The following ZPBP variants were observed in gnomAD, a reference collection of about 807,000 sequenced individuals.
The protein encoded by ZPBP is zona pellucida-binding protein 1.
A neutral mutation model predicts 44.8 loss-of-function variants in ZPBP; 26 were observed. That is an observed-to-expected ratio of 0.58 (90% CI 0.43 to 0.81). ZPBP has a LOEUF of 0.81. Ranked by LOEUF, ZPBP falls within the 30% of genes least tolerant of loss-of-function variation. The pLI, the probability that ZPBP is intolerant of heterozygous loss-of-function variation, is 0.00. For synonymous variants in ZPBP, 174 were observed against 153.2 expected (o/e 1.14, Z -1.00); for missense variants, 409 against 434.0 (o/e 0.94, Z 0.51).
intron 1 of ZPBP, chr7:49,913,536 A>G (rs1278351859): frequency 6.6e-6 from 1 of 152,184 alleles, no homozygotes; most frequent in Admixed American, 6.6e-5. Flanking sequence ...TGAAGCCTCT[A>G]AAGGTATTTT....
chr7:49,965,408 T>C (rs1426961736), intron 7 of ZPBP, among the ~76,000 whole-genome samples: 2 of 151,986 alleles, frequency 1.3e-5, no homozygotes, highest in Non-Finnish European at 2.9e-5. Context: ...TAATTCTATA[T>C]CCACCAAACA....
At chr7:50,028,190 G>A (rs908505395) in intron 5 of ZPBP, among the ~76,000 whole-genome samples, 2 of 151,810 alleles carry the variant, frequency 1.3e-5, no homozygotes, top group African/African-American at 2.4e-5. Flanking sequence ...AATACACCAT[G>A]ACCAAGTGGG....
intron 5 of ZPBP, among the ~76,000 whole-genome samples, chr7:50,021,117 T>C (rs910693029): frequency 3.9e-5 from 6 of 151,956 alleles, no homozygotes; most frequent in African/African-American, 1.2e-4. Context: ...AAAATAGTAG[T>C]TATATAAAGA....
intron 4 of ZPBP, among the ~76,000 whole-genome samples, chr7:50,040,386 T>C (rs1203395094): frequency 1.3e-5 from 2 of 152,152 alleles, no homozygotes; most frequent in Non-Finnish European, 2.9e-5. Flanking sequence ...GATGGCTGAA[T>C]AGGAATAGCT....
intron 1 of ZPBP, among the ~76,000 whole-genome samples, chr7:50,092,597 G>A (rs1584216949): frequency 6.6e-6 from 1 of 152,142 alleles, no homozygotes; most frequent in South Asian, 2.1e-4. Context: ...GTATAGAAAA[G>A]TACTTCAATT....
chr7:50,005,739 C>CA (rs1021361003), intron 6 of ZPBP, among the ~76,000 whole-genome samples: 1 of 151,236 alleles, frequency 6.6e-6, no homozygotes, highest in Non-Finnish European at 1.5e-5. Context: ...CTAAGACGTA[C>CA]AAAAAACCCC....
At chr7:50,004,121 C>T (rs1798206242) in intron 6 of ZPBP, among the ~76,000 whole-genome samples, 1 of 152,090 alleles carries the variant, frequency 6.6e-6, no homozygotes, top group Admixed American at 6.6e-5. Context: ...GTCAGGGGAC[C>T]TGGAGAGGAA....
At chr7:49,920,555 G>A (rs1793972679) in intron 1 of ZPBP, 1 of 152,206 alleles carries the variant, frequency 6.6e-6, no homozygotes, top group South Asian at 2.1e-4. Flanking sequence ...CTGGACCTAA[G>A]CAGTGAAGGA....
intron 5 of ZPBP, among the ~76,000 whole-genome samples, chr7:50,024,901 G>T (rs1799254879): frequency 1.3e-5 from 2 of 151,852 alleles, no homozygotes; most frequent in Admixed American, 1.3e-4. Context: ...ATGTTAGTTT[G>T]CTTGACTTGC....
chr7:50,069,451 A>G (rs1352038870), intron 3 of ZPBP, among the ~76,000 whole-genome samples: 1 of 152,174 alleles, frequency 6.6e-6, no homozygotes, highest in Non-Finnish European at 1.5e-5. Flanking sequence ...GCAGGGCTGC[A>G]TTCATTTAGT....
intron 1 of ZPBP, among the ~76,000 whole-genome samples, chr7:49,909,974 T>C (rs1156298663): frequency 6.6e-6 from 1 of 151,416 alleles, no homozygotes; most frequent in East Asian, 1.9e-4. Context: ...TCAGGTGTGG[T>C]GGTGTGCTCC....
At chr7:50,005,486 A>G (rs934816421) in intron 6 of ZPBP, among the ~76,000 whole-genome samples, 18 of 152,098 alleles carry the variant, frequency 1.2e-4, no homozygotes, top group African/African-American at 4.1e-4. Flanking sequence ...ACATCAAAAT[A>G]TGGGAAGGTG....
chr7:50,039,983 T>C (rs879724896), intron 4 of ZPBP, among the ~76,000 whole-genome samples: 8 of 151,882 alleles, frequency 5.3e-5, no homozygotes, highest in Non-Finnish European at 8.8e-5. Flanking sequence ...AATAAAGAAC[T>C]GGAAATAAAC....
chr7:49,999,570 C>G (rs536692095), intron 6 of ZPBP, among the ~76,000 whole-genome samples: 35 of 152,170 alleles, frequency 2.3e-4, no homozygotes, highest in African/African-American at 8.2e-4. Context: ...AATTCCAGTC[C>G]AAGTCCAAAG....
intron 1 of ZPBP, chr7:49,917,716 T>C (rs1793798436): frequency 6.6e-6 from 1 of 152,180 alleles, no homozygotes; most frequent in Admixed American, 6.5e-5. Context: ...GACCAACATA[T>C]ACATTAAAGT....
downstream of ZPBP, among the ~76,000 whole-genome samples, chr7:49,935,485 G>A (rs765527041): frequency 9.2e-5 from 14 of 151,958 alleles, no homozygotes; most frequent in Non-Finnish European, 1.6e-4. Flanking sequence ...TGCACACTCC[G>A]CTTTCTGGTT....
At chr7:50,091,786 C>A (rs1392051490) in intron 1 of ZPBP, among the ~76,000 whole-genome samples, 1 of 152,102 alleles carries the variant, frequency 6.6e-6, no homozygotes, top group Non-Finnish European at 1.5e-5. Flanking sequence ...GTGTGAGGGG[C>A]AGTATAAAAA....
chr7:49,987,690 T>C (rs1030853738), intron 6 of ZPBP, among the ~76,000 whole-genome samples: 2 of 151,492 alleles, frequency 1.3e-5, no homozygotes, highest in African/African-American at 2.4e-5. Context: ...AAATAGTTAC[T>C]GGATCTTCTT....
chr7:49,857,118 G>A (rs996635853), intron 2 of ZPBP, among the ~76,000 whole-genome samples: 6 of 147,510 alleles, frequency 4.1e-5, no homozygotes, highest in Middle Eastern at 3.5e-3. Flanking sequence ...GCATGATATC[G>A]TGCAGCAGAT....
Sources: gnomAD v4.1 joint callset for allele counts (sites outside exome capture counted in the v4.1 genomes callset) on GRCh38, gnomAD v4.1.1 for gene constraint, MANE v1.5 for transcripts, NCBI Gene and HGNC (gene_info 2026-07-23, HGNC 2026-07-21) for gene names.